Variants in ERMP1 observed in about 807,000 individuals in gnomAD.
The protein encoded by ERMP1 is endoplasmic reticulum metallopeptidase 1.
In ERMP1, 86 loss-of-function variants were observed where a neutral mutation model predicts 92.0. The ratio of observed to expected loss-of-function variants is 0.93; its 90% CI spans 0.79 to 1.12. The LOEUF is 1.12. ERMP1 is among the 50% of genes most tolerant of loss of function. The pLI is 0.00. For synonymous variants in ERMP1, 530 were observed against 412.8 expected (o/e 1.28, Z -3.44); for missense variants, 1,342 against 1,116.3 (o/e 1.20, Z -2.88).
chr9:5,831,070 T>C (rs781569295), intron 1 of ERMP1, 42 bp from the exon 2 acceptor site: 15 of 1,546,780 alleles, frequency 9.7e-6, no homozygotes, highest in South Asian at 3.6e-5. Flanking sequence ...GTAGTTAAAA[T>C]TGACACTTAG....
chr9:5,851,437 G>C (rs907771460), intron 6 of ERMP1, among the ~76,000 whole-genome samples: 1 of 152,078 alleles, frequency 6.6e-6, no homozygotes, highest in Non-Finnish European at 1.5e-5. Context: ...TCTTGGGTCA[G>C]ACAGAGAAAA....
At chr9:5,856,099 G>A (rs79572458) in intron 6 of ERMP1, 3,764 of 371,560 alleles carry the variant, frequency 0.01, 58 homozygotes, top group Non-Finnish European at 0.012. Context: ...TAAGTGTTTC[G>A]AATGGAATCT....
chr9:5,826,889 C>G (rs1367432351), intron 2 of ERMP1, among the ~76,000 whole-genome samples: 1 of 152,132 alleles, frequency 6.6e-6, no homozygotes, highest in Non-Finnish European at 1.5e-5. Context: ...TTCAGCTTCC[C>G]TTATTTTAAT....
chr9:5,787,933 C>T (rs186074256), intron 13 of ERMP1, among the ~76,000 whole-genome samples: 228 of 152,252 alleles, frequency 1.5e-3, no homozygotes, highest in African/African-American at 5.2e-3. Flanking sequence ...GGCAAAACTG[C>T]GAAGTGCTGT....
rs1463543992 is a variant in ERMP1 at position 5,798,861 on chromosome 9, C to T, written c.2215G>A (p.Glu739Lys). The T allele has an allele frequency of 1.2e-6, 2 of 1,613,822 alleles. No homozygotes were observed. Among genetic ancestry groups the T allele is most frequent in the African/African-American group, 2.7e-5 (2 of 74,902 alleles). ...INDSIRAHCE[E>K]NAPLCGFPWY... Reference sequence around the variant, plus strand: ...GGAAAACCACAAAGAGGTGCATTCTCCTCACAGTGAGCTCGGATACTATCA... The same window carrying T: ...GGAAAACCACAAAGAGGTGCATTCTTCTCACAGTGAGCTCGGATACTATCA... The change falls in exon 12 of 15, where the codon GAG becomes AAG. Residue 739 changes from glutamate to lysine, a missense_variant. Glu to Lys is a moderately conservative substitution (Grantham distance 56). Transcript: ENST00000339450.
At chr9:5,817,766 G>A (rs956643879) in intron 4 of ERMP1, among the ~76,000 whole-genome samples, 1 of 151,958 alleles carries the variant, frequency 6.6e-6, no homozygotes, top group African/African-American at 2.4e-5. Context: ...TAGAAGTCCA[G>A]GGAAAACAGA....
At chr9:5,858,599 G>A (rs115639437) in intron 6 of ERMP1, among the ~76,000 whole-genome samples, 432 of 152,272 alleles carry the variant, frequency 2.8e-3, no homozygotes, top group African/African-American at 0.01. Context: ...CTCCTCCTCC[G>A]GAGCACAAGA....
At position 5,784,679 on chromosome 9, in the gene ERMP1, A is replaced by AG. The variant is rs1827864199; in HGVS notation, c.*2464dup. The AG allele has an allele frequency of 6.6e-6, 1 of 152,524 alleles. No homozygotes were observed. Among genetic ancestry groups the AG allele is most frequent in the African/African-American group, 2.4e-5 (1 of 41,324 alleles). 9.4% of individuals were successfully genotyped at this position (152,524 alleles called of 1,614,324 possible). ...CAAACACTCCTTCTACAGCTTCCTG[A>AG]GACAGCAGGCTGGCTTGTGGCCCCC... is the stretch of plus-strand genomic sequence containing the variant. On this transcript the variant is annotated 3_prime_UTR_variant, in exon 15 of 15. Coordinates refer to ENST00000339450, the MANE Select transcript of ERMP1 (RefSeq NM_024896.3).
upstream of ERMP1, among the ~76,000 whole-genome samples, chr9:5,834,753 G>A (rs1830065255): frequency 7.9e-6 from 1 of 127,318 alleles, no homozygotes; most frequent in African/African-American, 3.0e-5. Flanking sequence ...GTGTATGTCT[G>A]ACAATATCCC....
chr9:5,812,944 T>C lies in ERMP1; in HGVS notation c.966A>G (p.Gly322=). ...GAAAGTCAGTATCTGAAGGAATGAT[T>C]CCACTCTGAAAAACCTCCTGAGCCA... ...SVVAQEVFQS[G]IIPSDTDFRI... The change falls in exon 5 of 15, where the codon GGA becomes GGG. Residue 322 remains glycine (G), a synonymous_variant. Transcript: ENST00000339450. 6.2e-7 allele frequency: 1 copy of C among 1,614,032 alleles called. No individual in the cohort carries two copies. The highest frequency in any genetic ancestry group is 8.5e-7 in the Non-Finnish European group (1 of 1,179,930).
At chr9:5,864,431 G>C (rs1830591362) in intron 5 of ERMP1, among the ~76,000 whole-genome samples, 1 of 152,180 alleles carries the variant, frequency 6.6e-6, no homozygotes, top group African/African-American at 2.4e-5. Context: ...TGTCAAGGAA[G>C]AACTGAAAGC....
In ERMP1 at chr9:5,808,249, A is replaced by C. The variant is rs375406742; in HGVS notation, c.1548+1762T>G. Among the ~76,000 whole-genome samples the C allele has an allele frequency of 9.2e-5, 14 of 152,394 alleles. No individual in the cohort carries two copies. The East Asian group carries it at 1.9e-3, about 21-fold the overall frequency. Reference sequence around the variant, plus strand: ...TAAAGTGTTACGATCAGACAACTGAAATTAGTAAAAGTACATGAAATTTTA... The same window carrying C: ...TAAAGTGTTACGATCAGACAACTGACATTAGTAAAAGTACATGAAATTTTA... On this transcript the variant is annotated intron_variant, in intron 8 of 14. Transcript: ENST00000339450.
intron 5 of ERMP1, among the ~76,000 whole-genome samples, chr9:5,865,898 T>C (rs1830645893): frequency 2.0e-5 from 3 of 150,344 alleles, no homozygotes; most frequent in Admixed American, 2.0e-4. Context: ...ATATATAAAA[T>C]GAGTTCAGAA....
intron 2 of ERMP1, among the ~76,000 whole-genome samples, chr9:5,826,787 G>A (rs1184823348): frequency 6.6e-6 from 1 of 152,104 alleles, no homozygotes; most frequent in Admixed American, 6.5e-5. Flanking sequence ...TTAAAATAGA[G>A]AGCAAACAAT....
At chr9:5,829,712 C>T (rs1266658848) in intron 2 of ERMP1, among the ~76,000 whole-genome samples, 3 of 152,136 alleles carry the variant, frequency 2.0e-5, no homozygotes, top group Non-Finnish European at 2.9e-5. Context: ...GCCAGGAAAT[C>T]CAGCATCTTA....
chr9:5,819,368 T>C (rs1445766384), intron 4 of ERMP1, among the ~76,000 whole-genome samples: 1 of 152,224 alleles, frequency 6.6e-6, no homozygotes, highest in African/African-American at 2.4e-5. Context: ...AGGGTTCTCA[T>C]GCACAAATGC....
At chr9:5,858,788 A>T (rs1270360793) in intron 6 of ERMP1, among the ~76,000 whole-genome samples, 3 of 152,190 alleles carry the variant, frequency 2.0e-5, no homozygotes, top group African/African-American at 7.2e-5. Flanking sequence ...TCCCAGTTCA[A>T]CGTCAAGTAG....
At chr9:5,791,460 A>T (rs1828194816) in intron 13 of ERMP1, among the ~76,000 whole-genome samples, 1 of 152,194 alleles carries the variant, frequency 6.6e-6, no homozygotes, top group Non-Finnish European at 1.5e-5. Context: ...TGTTAATCTT[A>T]CCCAGAAAAT....
chr9:5,823,971 AG>A lies in ERMP1; in HGVS notation c.798del (p.Trp267GlyfsTer4). On this transcript the variant is annotated frameshift_variant, in exon 4 of 15. Transcript: ENST00000339450. LOFTEE classifies it high-confidence loss of function. ...ATGAATGCACGAATCAAGCTAGCCC[AG>A]GGGTGCTGAGTAATGAAACCATGAC... is the stretch of plus-strand genomic sequence containing the variant. ...QASHGFITQH[P>X]WASLIRAFIN... The A allele has an allele frequency of 6.2e-7, 1 of 1,614,084 alleles. No homozygotes were observed. The highest frequency in any genetic ancestry group is 8.5e-7 in the Non-Finnish European group (1 of 1,179,948).
Sources: allele counts gnomAD v4.1 joint callset (sites outside exome capture counted in the v4.1 genomes callset), GRCh38; gene constraint gnomAD v4.1.1; transcripts MANE v1.5; gene names NCBI Gene and HGNC (gene_info 2026-07-23, HGNC 2026-07-21).